AGBL4: variants seen among roughly 807,000 people sequenced by gnomAD.
AGBL4 encodes cytosolic carboxypeptidase 6.
In AGBL4, 58 loss-of-function variants were observed where a neutral mutation model predicts 66.4. That is an observed-to-expected ratio of 0.87 (90% CI 0.71 to 1.09). AGBL4 has a LOEUF of 1.09. AGBL4 is among the 50% of genes least tolerant of loss of function. The probability of loss-of-function intolerance (pLI) is 0.00; values close to 1 mark genes in which losing one functional copy is unlikely to be tolerated. For synonymous variants in AGBL4, 234 were observed against 222.9 expected (o/e 1.05, Z -0.44); for missense variants, 579 against 631.0 (o/e 0.92, Z 0.88).
rs1000287844 is a variant in AGBL4 at position 49,169,370 on chromosome 1, A to G, written c.377+76400T>C. On this transcript the variant is annotated intron_variant, in intron 4 of 13. Transcript: ENST00000371839. ...TGGATTATTCCTTGCTGAATGGATTACATCGGTCTATTTCTACTCCTATAA... is the reference window on the plus strand; with the variant it reads ...TGGATTATTCCTTGCTGAATGGATTGCATCGGTCTATTTCTACTCCTATAA... Among the ~76,000 whole-genome samples the G allele has an allele frequency of 7.2e-5, 11 of 152,276 alleles. 1 individual carries two copies. In the East Asian group the frequency reaches 2.1e-3, roughly 29 times the overall value.
chr1:49,674,871 G>C (rs1200920116), intron 3 of AGBL4, among the ~76,000 whole-genome samples: 3 of 152,108 alleles, frequency 2.0e-5, no homozygotes, highest in African/African-American at 7.2e-5. Context: ...GCTTGCACAT[G>C]CAGTTAATAC....
At chr1:49,377,773 G>C (rs1260965754) in intron 3 of AGBL4, among the ~76,000 whole-genome samples, 1 of 152,038 alleles carries the variant, frequency 6.6e-6, no homozygotes, top group South Asian at 2.1e-4. Context: ...TTACTGGTGA[G>C]AATCCTGAGC....
chr1:49,163,289 C>A (rs1646571930), intron 4 of AGBL4, among the ~76,000 whole-genome samples: 1 of 151,970 alleles, frequency 6.6e-6, no homozygotes, highest in African/African-American at 2.4e-5. Context: ...TCCTCCTTCT[C>A]ATCAAGCTTA....
intron 6 of AGBL4, chr1:48,761,118 C>A: frequency 1.9e-6 from 1 of 522,608 alleles, no homozygotes; most frequent in Non-Finnish European, 3.4e-6. Context: ...CAAACAGGAC[C>A]AAGCTTGGTG....
intron 1 of AGBL4, among the ~76,000 whole-genome samples, chr1:49,949,072 A>G (rs542052679): frequency 6.6e-6 from 1 of 151,732 alleles, no homozygotes; most frequent in South Asian, 2.1e-4. Flanking sequence ...GACAAAGCAG[A>G]CAAAAACATA....
intron 3 of AGBL4, among the ~76,000 whole-genome samples, chr1:49,551,282 A>C (rs1652930806): frequency 6.6e-6 from 1 of 152,112 alleles, no homozygotes. Context: ...AACCTCCCAA[A>C]TTCTTTTTCA....
At chr1:48,865,882 G>A (rs1558050490) in intron 6 of AGBL4, among the ~76,000 whole-genome samples, 2 of 152,140 alleles carry the variant, frequency 1.3e-5, no homozygotes, top group Admixed American at 1.3e-4. Context: ...ACCACCTTAG[G>A]AGGAATTGGT....
intron 8 of AGBL4, among the ~76,000 whole-genome samples, chr1:48,652,449 A>G (rs1178227119): frequency 6.6e-6 from 1 of 152,178 alleles, no homozygotes; most frequent in African/African-American, 2.4e-5. Context: ...GCTTTCCTCA[A>G]CGCAGCTGCA....
intron 3 of AGBL4, among the ~76,000 whole-genome samples, chr1:49,377,998 G>T (rs547269731): frequency 6.9e-6 from 1 of 145,116 alleles, no homozygotes. Context: ...TTCATGCCTT[G>T]TCTCCCAACA....
chr1:49,389,721 GAGGA>G lies in AGBL4; in HGVS notation c.283-143861_283-143858del, dbSNP rs369825001. On this transcript the variant is annotated intron_variant, in intron 3 of 13. Transcript: ENST00000371839. ...AGCTCCTGTTTATAGAGCTGACAGT[GAGGA>G]AGAAGGGGAAACTCTGTGGTCCTGT... 5.4e-3 allele frequency among the ~76,000 whole-genome samples: 816 copies of G among 152,274 alleles called. 1 individual carries two copies. The highest frequency in any genetic ancestry group is 8.3e-3 in the Non-Finnish European group (567 of 68,006).
At chr1:49,495,824 G>A (rs1029408262) in intron 3 of AGBL4, among the ~76,000 whole-genome samples, 1 of 151,970 alleles carries the variant, frequency 6.6e-6, no homozygotes, top group South Asian at 2.1e-4. Context: ...TGCCCACAAG[G>A]AATCAGAGGC....
chr1:49,280,934 A>G (rs78028231), intron 3 of AGBL4, among the ~76,000 whole-genome samples: 5 of 152,348 alleles, frequency 3.3e-5, no homozygotes, highest in Non-Finnish European at 5.9e-5. Flanking sequence ...AAAAGAAAAC[A>G]GTAAAGGGTA....
chr1:48,650,444 ACCTTCCTT>A (rs57012926), intron 8 of AGBL4, among the ~76,000 whole-genome samples: 1,580 of 147,108 alleles, frequency 0.011, 30 homozygotes, highest in African/African-American at 0.034. Context: ...CTGAGAACCA[ACCTTCCTT>A]CCTTCCTTCC....
chr1:49,709,019 C>T (rs1029064694), intron 2 of AGBL4, among the ~76,000 whole-genome samples: 2 of 152,202 alleles, frequency 1.3e-5, no homozygotes, highest in African/African-American at 4.8e-5. Flanking sequence ...GTCTCTCATG[C>T]AGGAGGCACG....
intron 5 of AGBL4, among the ~76,000 whole-genome samples, chr1:48,986,363 A>G (rs1396156040): frequency 7.2e-5 from 11 of 152,094 alleles, no homozygotes; most frequent in Non-Finnish European, 1.2e-4. Context: ...ACCAGGGCAC[A>G]TCATAATCAA....
chr1:48,905,824 C>G (rs1053233469), intron 5 of AGBL4, among the ~76,000 whole-genome samples: 8 of 152,094 alleles, frequency 5.3e-5, no homozygotes, highest in Non-Finnish European at 1.0e-4. Flanking sequence ...CAACAATTAC[C>G]CAGGCCCTCT....
chr1:49,497,980 A>T lies in AGBL4; in HGVS notation c.282+199333T>A, dbSNP rs150012973. On this transcript the variant is annotated intron_variant, in intron 3 of 13. Transcript: ENST00000371839. ...CATCTGGGGTAATATGGACATTTTT[A>T]ACAATATTCCAATTTATGAACACGG... Among the ~76,000 whole-genome samples, 784 of 152,114 alleles carry T rather than the reference A, an allele frequency of 5.2e-3. 22 individuals are homozygous for T. The highest frequency in any genetic ancestry group is 0.04 in the East Asian group (205 of 5,168).
intron 1 of AGBL4, among the ~76,000 whole-genome samples, chr1:49,939,853 G>T (rs1654552189): frequency 6.6e-6 from 1 of 152,092 alleles, no homozygotes; most frequent in African/African-American, 2.4e-5. Flanking sequence ...TGACAAATGG[G>T]ATCTAATTAA....
chr1:50,023,576 G>C (rs1396160495), intron 1 of AGBL4, among the ~76,000 whole-genome samples, 187 bp downstream of exon 1: 4 of 152,116 alleles, frequency 2.6e-5, no homozygotes, highest in Non-Finnish European at 5.9e-5. Context: ...CCCGGACTTC[G>C]AGGTCCCTGC....
Sources: gnomAD v4.1 joint callset for allele counts (sites outside exome capture counted in the v4.1 genomes callset) on GRCh38, gnomAD v4.1.1 for gene constraint, MANE v1.5 for transcripts, NCBI Gene and HGNC (gene_info 2026-07-23, HGNC 2026-07-21) for gene names.